THADA: variants seen among roughly 807,000 people sequenced by gnomAD.
The protein encoded by THADA is tRNA (32-2'-O)-methyltransferase regulator THADA.
Under a neutral mutation model 219.8 loss-of-function variants are expected in THADA, and 213 were observed. The observed-to-expected ratio is 0.97, with a 90% CI of 0.87 to 1.09. The LOEUF (loss-of-function observed/expected upper bound fraction) is 1.09. THADA is among the 50% of genes least tolerant of loss of function. The probability of loss-of-function intolerance (pLI) is 0.00; values close to 1 mark genes in which losing one functional copy is unlikely to be tolerated. For synonymous variants in THADA, 1,018 were observed against 828.9 expected (o/e 1.23, Z -3.92); for missense variants, 2,956 against 2,311.3 (o/e 1.28, Z -5.72).
chr2:43,310,060 T>C (rs1181206168), intron 31 of THADA, among the ~76,000 whole-genome samples: 1 of 152,104 alleles, frequency 6.6e-6, no homozygotes. Flanking sequence ...TGAAATAAAT[T>C]AAAGAGACCT....
chr2:43,443,683 G>T (rs1681141244), intron 26 of THADA, among the ~76,000 whole-genome samples: 1 of 152,218 alleles, frequency 6.6e-6, no homozygotes, highest in South Asian at 2.1e-4. Context: ...GGATAAAACA[G>T]ACAGGTGAAA....
chr2:43,331,205 G>A (rs1665726616), intron 30 of THADA, among the ~76,000 whole-genome samples: 2 of 152,148 alleles, frequency 1.3e-5, no homozygotes, highest in African/African-American at 4.8e-5. Context: ...TCCCTTTACT[G>A]TTATAAATTC....
intron 26 of THADA, among the ~76,000 whole-genome samples, chr2:43,467,181 C>CAAA (rs70963399): frequency 0.011 from 612 of 56,876 alleles, 5 homozygotes; most frequent in Non-Finnish European, 0.014. Context: ...GACTCCGTCT[C>CAAA]AAAAAAAAAA....
At chr2:43,463,603 C>T (rs1386339578) in intron 26 of THADA, among the ~76,000 whole-genome samples, 1 of 152,112 alleles carries the variant, frequency 6.6e-6, no homozygotes, top group Non-Finnish European at 1.5e-5. Context: ...TTTTTCAAGT[C>T]AGTGAACTTA....
At chr2:43,317,757 T>C (rs1229658144) in intron 31 of THADA, among the ~76,000 whole-genome samples, 2 of 152,250 alleles carry the variant, frequency 1.3e-5, no homozygotes, top group Admixed American at 6.5e-5. Flanking sequence ...TGAACATTCA[T>C]ACATATACAT....
At chr2:43,397,482 T>C (rs1674223308) in intron 29 of THADA, among the ~76,000 whole-genome samples, 1 of 152,164 alleles carries the variant, frequency 6.6e-6, no homozygotes, top group Non-Finnish European at 1.5e-5. Context: ...AATAAGTTTT[T>C]TTTGGTAGCA....
intron 22 of THADA, among the ~76,000 whole-genome samples, chr2:43,524,650 T>G (rs746713250): frequency 6.6e-6 from 1 of 152,208 alleles, no homozygotes; most frequent in African/African-American, 2.4e-5. Context: ...CCACACACAC[T>G]GTAAAGATGT....
chr2:43,351,743 C>G (rs573084446), intron 29 of THADA, among the ~76,000 whole-genome samples: 2 of 152,328 alleles, frequency 1.3e-5, no homozygotes, highest in South Asian at 4.1e-4. Flanking sequence ...GCAGCAGCAG[C>G]TGGGGTGCTA....
intron 36 of THADA, among the ~76,000 whole-genome samples, chr2:43,266,850 A>G (rs1671582616): frequency 1.3e-5 from 2 of 152,268 alleles, no homozygotes; most frequent in African/African-American, 2.4e-5. Flanking sequence ...TGCCACGCAT[A>G]AGCACAGTGG....
At chr2:43,312,723 T>G (rs1172068046) in intron 31 of THADA, among the ~76,000 whole-genome samples, 1 of 151,868 alleles carries the variant, frequency 6.6e-6, no homozygotes, top group Non-Finnish European at 1.5e-5. Flanking sequence ...GCCTGTTTTT[T>G]TTTTTTTTTT....
chr2:43,425,259 A>C (rs17039131), intron 28 of THADA, among the ~76,000 whole-genome samples: 16,290 of 152,046 alleles, frequency 0.11, 977 homozygotes, highest in African/African-American at 0.15. Context: ...AAGTAAAATG[A>C]CCAGTTCAAT....
At position 43,422,781 on chromosome 2, in the gene THADA, A is replaced by G. The variant is rs10180247; in HGVS notation, c.4058+5319T>C. Among the ~76,000 whole-genome samples, 1,044 of 152,222 alleles carry G rather than the reference A, an allele frequency of 6.9e-3. 17 individuals carry two copies. Among genetic ancestry groups the G allele is most frequent in the African/African-American group, 0.024 (1,007 of 41,534 alleles). On this transcript the variant is annotated intron_variant, in intron 28 of 37. Transcript: ENST00000405975. Reference sequence around the variant, plus strand: ...ACCTAGGCTGCAGTGCAGTGGCCCAATCACAGCTCACTTGAGCTGCCTTGA... The same window carrying G: ...ACCTAGGCTGCAGTGCAGTGGCCCAGTCACAGCTCACTTGAGCTGCCTTGA...
At position 43,379,181 on chromosome 2, in the gene THADA, T is replaced by C. The variant is rs1050198303; in HGVS notation, c.4227+18790A>G. On this transcript the variant is annotated intron_variant, in intron 29 of 37. Transcript: ENST00000405975. ...AGCAAACTCAGTTACAGTATTCTAA[T>C]GTCCGTATCTTCTGGAGAGGAGAAA... Among the ~76,000 whole-genome samples, 3 of 152,210 alleles carry C rather than the reference T, an allele frequency of 2.0e-5. No individual in the cohort carries two copies. The East Asian group carries it at 5.8e-4, about 29-fold the overall frequency.
intron 28 of THADA, among the ~76,000 whole-genome samples, chr2:43,404,379 T>TC (rs1300052391): frequency 1.0e-4 from 15 of 150,424 alleles, no homozygotes; most frequent in Middle Eastern, 6.8e-3. Context: ...TCTTTTCTTT[T>TC]TTTTTTTTTT....
chr2:43,288,886 G>T (rs776316184), intron 34 of THADA, among the ~76,000 whole-genome samples: 1 of 152,100 alleles, frequency 6.6e-6, no homozygotes, highest in Non-Finnish European at 1.5e-5. Flanking sequence ...TCACCACCAC[G>T]GTCAATTTCA....
chr2:43,535,638 C>T (rs1437499306), intron 21 of THADA, among the ~76,000 whole-genome samples: 11 of 134,614 alleles, frequency 8.2e-5, no homozygotes, highest in Admixed American at 3.3e-4. Context: ...CCCGAGACAG[C>T]GCCACTGCAC....
chr2:43,249,898 C>T (rs893274400), intron 36 of THADA, among the ~76,000 whole-genome samples: 1 of 152,136 alleles, frequency 6.6e-6, no homozygotes, highest in South Asian at 2.1e-4. Flanking sequence ...TGACATTGTG[C>T]CAATTCTCAG....
chr2:43,370,629 T>C (rs1670691387), intron 29 of THADA, among the ~76,000 whole-genome samples: 2 of 152,106 alleles, frequency 1.3e-5, no homozygotes, highest in Admixed American at 6.6e-5. Flanking sequence ...AAAAATAAAG[T>C]TAAGCAAATG....
intron 29 of THADA, among the ~76,000 whole-genome samples, chr2:43,355,645 C>A (rs1668796477): frequency 6.6e-6 from 1 of 152,078 alleles, no homozygotes; most frequent in South Asian, 2.1e-4. Context: ...ATGTTTACAT[C>A]TTTTATCTAT....
Sources: allele counts gnomAD v4.1 joint callset (sites outside exome capture counted in the v4.1 genomes callset), GRCh38; gene constraint gnomAD v4.1.1; transcripts MANE v1.5; gene names NCBI Gene and HGNC (gene_info 2026-07-23, HGNC 2026-07-21).